CCDC62: variants seen among roughly 807,000 people sequenced by gnomAD.
The protein encoded by CCDC62 is coiled-coil domain-containing protein 62.
In CCDC62, 72 loss-of-function variants were observed where a neutral mutation model predicts 80.8. That is an observed-to-expected ratio of 0.89 (90% CI 0.74 to 1.08). The LOEUF (loss-of-function observed/expected upper bound fraction) is 1.08, where lower values mean the gene tolerates loss of function less well. CCDC62 is among the 50% of genes least tolerant of loss of function. The pLI, the probability that CCDC62 is intolerant of heterozygous loss-of-function variation, is 0.00. For missense variants in CCDC62, 704 were observed against 809.4 expected (o/e 0.87, Z 1.58); for synonymous variants, 286 against 296.5 (o/e 0.96, Z 0.36).
chr12:122,816,620 CA>C (rs2032176636), intron 11 of CCDC62, among the ~76,000 whole-genome samples: 2 of 152,236 alleles, frequency 1.3e-5, no homozygotes, highest in Admixed American at 1.3e-4. Context: ...GTAGTTCCAG[CA>C]ACTCAGGAGG....
chr12:122,783,071 C>T (rs954369438), intron 3 of CCDC62, among the ~76,000 whole-genome samples: 2 of 150,714 alleles, frequency 1.3e-5, no homozygotes, highest in African/African-American at 4.9e-5. Context: ...CGCACCACTG[C>T]ACTCCAGCCT....
In CCDC62 at chr12:122,801,625, C is replaced by T. The variant is rs748216674; in HGVS notation, c.1479C>T (p.Ser493=). 1.9e-5 allele frequency: 30 copies of T among 1,613,978 alleles called. No individual in the cohort carries two copies. Among genetic ancestry groups the T allele is most frequent in the African/African-American group, 8.0e-5 (6 of 74,882 alleles). ...AATGTCAAGATCAGATGGAAAGGTCCGAAATCTCATGCTGCCAGAAAAATG... is the reference window on the plus strand; with the variant it reads ...AATGTCAAGATCAGATGGAAAGGTCTGAAATCTCATGCTGCCAGAAAAATG... ...DVECQDQMER[S]EISCCQKNEA... The change falls in exon 9 of 13, where the codon TCC becomes TCT. Residue 493 remains serine, a synonymous_variant. Coordinates refer to ENST00000253079, the MANE Select transcript of CCDC62 (RefSeq NM_201435.5).
intron 6 of CCDC62, among the ~76,000 whole-genome samples, chr12:122,797,068 G>A: frequency 6.6e-6 from 1 of 151,830 alleles, no homozygotes; most frequent in South Asian, 2.1e-4. Flanking sequence ...AGTAGAAATG[G>A]GGTTTCACCA....
chr12:122,786,971 A>G (rs2030284701), intron 4 of CCDC62, among the ~76,000 whole-genome samples: 1 of 152,160 alleles, frequency 6.6e-6, no homozygotes, highest in Non-Finnish European at 1.5e-5. Flanking sequence ...AAAAAATTAA[A>G]TTAAATTAAA....
intron 10 of CCDC62, among the ~76,000 whole-genome samples, chr12:122,810,462 A>G (rs2135575293): frequency 6.6e-6 from 1 of 152,342 alleles, no homozygotes; most frequent in East Asian, 1.9e-4. Flanking sequence ...AATCAAAACC[A>G]CAATGAGATA....
chr12:122,819,939 G>C (rs1192641571), intron 11 of CCDC62, among the ~76,000 whole-genome samples: 1 of 151,524 alleles, frequency 6.6e-6, no homozygotes, highest in Non-Finnish European at 1.5e-5. Context: ...GTGCACACTT[G>C]TAGTCCCAGG....
chr12:122,812,830 A>AG (rs1372384706), intron 10 of CCDC62, among the ~76,000 whole-genome samples: 12 of 151,466 alleles, frequency 7.9e-5, no homozygotes, highest in South Asian at 4.2e-4. Flanking sequence ...AAAGAAAGAA[A>AG]AGGAATGAAT....
intron 2 of CCDC62, 21 bp downstream of exon 2, chr12:122,777,704 C>T: frequency 1.2e-6 from 2 of 1,606,428 alleles, no homozygotes; most frequent in Non-Finnish European, 1.7e-6. Flanking sequence ...CATTCAGGGA[C>T]AACAGTTATG....
chr12:122,788,957 C>T (rs749944803), intron 5 of CCDC62, 28 bp downstream of exon 5: 5 of 1,495,494 alleles, frequency 3.3e-6, no homozygotes, highest in Non-Finnish European at 4.5e-6. Context: ...ATTTAAGATA[C>T]AAATGTATTA....
At chr12:122,777,460 A>T (rs1879535486) in intron 1 of CCDC62, 31 bp from the exon 2 acceptor site, 1 of 1,570,738 alleles carries the variant, frequency 6.4e-7, no homozygotes, top group East Asian at 2.3e-5. Context: ...ATTTCATTCT[A>T]TTTTGATGTG....
rs74621785 is a variant in CCDC62, at chr12:122,819,214, C to A, written c.2002-4152C>A. Among the ~76,000 whole-genome samples the A allele has an allele frequency of 6.5e-3, 983 of 152,262 alleles. 15 individuals are homozygous for A. Among genetic ancestry groups the A allele is most frequent in the African/African-American group, 0.022 (935 of 41,560 alleles). ...CCCCATGCCTTTGTACTGAGTACAG[C>A]TAGGTACCGAAAAAGCAAATAATTT... On this transcript the variant is annotated intron_variant, in intron 11 of 12. Coordinates refer to ENST00000253079, the MANE Select transcript of CCDC62 (RefSeq NM_201435.5).
intron 2 of CCDC62, among the ~76,000 whole-genome samples, chr12:122,779,742 T>C (rs1879707062): frequency 6.6e-6 from 1 of 151,764 alleles, no homozygotes; most frequent in African/African-American, 2.4e-5. Flanking sequence ...ACCCTGTCTC[T>C]ACTAAAAATA....
intron 6 of CCDC62, among the ~76,000 whole-genome samples, chr12:122,793,432 C>T (rs1198258430): frequency 6.6e-6 from 1 of 152,040 alleles, no homozygotes; most frequent in Non-Finnish European, 1.5e-5. Flanking sequence ...CAGTCATTCT[C>T]AGTTGGGAGT....
intron 3 of CCDC62, among the ~76,000 whole-genome samples, chr12:122,785,401 T>C (rs2030150691): frequency 6.6e-6 from 1 of 152,152 alleles, no homozygotes; most frequent in African/African-American, 2.4e-5. Flanking sequence ...AAATTACACA[T>C]AAAAGATACT....
At position 122,806,250 on chromosome 12, in the gene CCDC62, T is replaced by C. The variant is rs1321921789; in HGVS notation, c.1806T>C (p.Pro602=). Residue 602 remains proline, a synonymous_variant, in exon 10 of 13, where the codon CCT becomes CCC. Transcript: ENST00000253079. ...CCTCTTCCAATAAAAAGAACTCACCTACGAGTTTGTTAATCTACAAAGATG... is the reference window on the plus strand; with the variant it reads ...CCTCTTCCAATAAAAAGAACTCACCCACGAGTTTGTTAATCTACAAAGATG... ...TESSSNKKNS[P]TSLLIYKDAP... The C allele has an allele frequency of 2.5e-6, 4 of 1,613,308 alleles. No individual in the cohort carries two copies. The highest frequency in any genetic ancestry group is 2.2e-5 in the East Asian group (1 of 44,876).
chr12:122,789,950 T>C (rs1243037158), intron 5 of CCDC62, among the ~76,000 whole-genome samples: 1 of 152,206 alleles, frequency 6.6e-6, no homozygotes, highest in Non-Finnish European at 1.5e-5. Flanking sequence ...AGGTATTTGG[T>C]ATTTATTGAA....
chr12:122,808,225 A>G (rs565749727), intron 10 of CCDC62, among the ~76,000 whole-genome samples: 77 of 152,084 alleles, frequency 5.1e-4, no homozygotes, highest in Non-Finnish European at 9.4e-4. Context: ...TAAACCCGGG[A>G]GGCAGGGGTT....
rs770813477 is a variant in CCDC62, at chr12:122,813,423, T to C, written c.2001+4T>C. On this transcript the variant is annotated splice_donor_region_variant and intron_variant, in intron 11 of 12. Transcript: ENST00000253079. ...TCTCACTGGCAGTGCCACAAATGTA[T>C]GCGTTTCATTTTCTCTTGACTATAT... 6.2e-7 allele frequency: 1 copy of C among 1,609,488 alleles called. No individual in the cohort carries two copies. Among genetic ancestry groups the C allele is most frequent in the South Asian group, 1.1e-5 (1 of 90,494 alleles).
In CCDC62 at chr12:122,801,317, A is replaced by T; in HGVS notation, c.1171A>T (p.Ser391Cys). 1.2e-6 allele frequency: 2 copies of T among 1,614,132 alleles called. 1 individual carries two copies. Among genetic ancestry groups the T allele is most frequent in the South Asian group, 2.2e-5 (2 of 91,078 alleles). The change falls in exon 9 of 13, where the codon AGT (serine) becomes TGT (cysteine). Residue 391 changes from serine to cysteine, a missense_variant. Transcript: ENST00000253079. ...GATCGATACTGTGTTTGGGGAGAAA[A>T]GTGTAATTACGCTGTCATCCATATT... The part of the protein sequence containing the change: ...QQIDTVFGEK[S>C]VITLSSIFTK...
Sources: allele counts gnomAD v4.1 joint callset (sites outside exome capture counted in the v4.1 genomes callset), GRCh38; gene constraint gnomAD v4.1.1; transcripts MANE v1.5; gene names NCBI Gene and HGNC (gene_info 2026-07-23, HGNC 2026-07-21).